RGL1: variants seen among roughly 807,000 people sequenced by gnomAD.
RGL1 encodes the protein ral guanine nucleotide dissociation stimulator-like 1.
A neutral mutation model predicts 95.2 loss-of-function variants in RGL1; 24 were observed. That is an observed-to-expected ratio of 0.25 (90% CI 0.18 to 0.35). The LOEUF is 0.35. Ranked by LOEUF, RGL1 falls within the 10% of genes least tolerant of loss-of-function variation. The pLI is 1.00. For synonymous variants in RGL1, 329 were observed against 344.9 expected, an observed-to-expected ratio of 0.95 and a Z score of 0.51; for missense variants, 715 against 936.3, an observed-to-expected ratio of 0.76 and a Z score of 3.08.
intron 4 of RGL1, among the ~76,000 whole-genome samples, chr1:183,877,295 GGTTAATATATAA>G (rs1401341117): frequency 6.6e-6 from 1 of 152,208 alleles, no homozygotes; most frequent in Non-Finnish European, 1.5e-5. Context: ...ACTCTGTTCT[GGTTAATATATAA>G]GTTAGATCTT....
intron 1 of RGL1, among the ~76,000 whole-genome samples, chr1:183,700,567 G>C (rs1180494004): frequency 2.1e-5 from 3 of 141,160 alleles, no homozygotes; most frequent in African/African-American, 7.7e-5. Flanking sequence ...TTTTTTTTTG[G>C]CAGAGTCTCA....
At chr1:183,767,881 A>T (rs959060850) in intron 2 of RGL1, among the ~76,000 whole-genome samples, 2 of 152,036 alleles carry the variant, frequency 1.3e-5, no homozygotes, top group Non-Finnish European at 2.9e-5. Context: ...TGAACCCAGG[A>T]GGCAGAAGTT....
chr1:183,748,040 ACTT>A (rs1381992441), intron 2 of RGL1, among the ~76,000 whole-genome samples: 4 of 152,058 alleles, frequency 2.6e-5, no homozygotes, highest in Non-Finnish European at 5.9e-5. Flanking sequence ...CAAGGAGTTG[ACTT>A]CTTCTGATTT....
At chr1:183,763,798 T>C (rs1658826587) in intron 2 of RGL1, among the ~76,000 whole-genome samples, 1 of 152,254 alleles carries the variant, frequency 6.6e-6, no homozygotes, top group South Asian at 2.1e-4. Context: ...TGTAGACTTT[T>C]ATTGTTATTG....
At chr1:183,822,742 A>G (rs1175439693) in intron 2 of RGL1, among the ~76,000 whole-genome samples, 3 of 152,216 alleles carry the variant, frequency 2.0e-5, no homozygotes, top group Non-Finnish European at 4.4e-5. Context: ...ACTATGTGCC[A>G]AATGTTGGCC....
chr1:183,779,495 C>T (rs1165262118), intron 2 of RGL1, among the ~76,000 whole-genome samples: 1 of 152,102 alleles, frequency 6.6e-6, no homozygotes, highest in East Asian at 1.9e-4. Flanking sequence ...GTGATCTACC[C>T]ACCTCAGCCT....
chr1:183,646,669 A>G (rs1650314847), intron 1 of RGL1: 1 of 152,236 alleles, frequency 6.6e-6, no homozygotes, highest in African/African-American at 2.4e-5. Flanking sequence ...AGGGAAGTAA[A>G]ACACACATTA....
intron 1 of RGL1, among the ~76,000 whole-genome samples, chr1:183,704,439 A>G (rs776457631): frequency 9.2e-5 from 14 of 152,090 alleles, no homozygotes; most frequent in Non-Finnish European, 1.5e-4. Context: ...GGTGGTTCTT[A>G]GAGGGAGCAT....
chr1:183,742,734 AAG>A (rs773534559), intron 2 of RGL1, among the ~76,000 whole-genome samples: 4 of 151,896 alleles, frequency 2.6e-5, no homozygotes, highest in Admixed American at 1.3e-4. Flanking sequence ...GAGAGAGAGA[AAG>A]AGAGAGAGGG....
At chr1:183,644,257 A>C (rs1024492094) in intron 1 of RGL1, among the ~76,000 whole-genome samples, 6 of 152,080 alleles carry the variant, frequency 3.9e-5, no homozygotes, top group Admixed American at 3.3e-4. Context: ...GCCTTTTTTT[A>C]CTACTTGGGC....
chr1:183,807,294 C>T (rs1661410514), intron 2 of RGL1, among the ~76,000 whole-genome samples: 1 of 151,906 alleles, frequency 6.6e-6, no homozygotes, highest in South Asian at 2.1e-4. Context: ...CGGTGAGAGG[C>T]GACCCAAAAA....
At chr1:183,878,691 G>A (rs538769269) in intron 4 of RGL1, among the ~76,000 whole-genome samples, 1 of 152,264 alleles carries the variant, frequency 6.6e-6, no homozygotes, top group Admixed American at 6.5e-5. Context: ...TAATAATTAA[G>A]GATCACAGGC....
chr1:183,670,020 G>T (rs1324866793), intron 1 of RGL1, among the ~76,000 whole-genome samples: 2 of 152,092 alleles, frequency 1.3e-5, no homozygotes, highest in South Asian at 2.1e-4. Context: ...GTGAGATTTG[G>T]GTGGGGACAC....
At chr1:183,815,128 G>A (rs1184687265) in intron 2 of RGL1, among the ~76,000 whole-genome samples, 1 of 152,176 alleles carries the variant, frequency 6.6e-6, no homozygotes, top group Non-Finnish European at 1.5e-5. Flanking sequence ...ACAAAAGTTA[G>A]CCAGGCATGG....
intron 2 of RGL1, among the ~76,000 whole-genome samples, chr1:183,792,264 G>A (rs181003592): frequency 1.3e-5 from 2 of 151,854 alleles, no homozygotes; most frequent in Non-Finnish European, 2.9e-5. Flanking sequence ...AATATCACTC[G>A]GATTCATTTC....
At chr1:183,878,144 TTTTC>T (rs56816532) in intron 4 of RGL1, among the ~76,000 whole-genome samples, 35,104 of 148,430 alleles carry the variant, frequency 0.24, 4,430 homozygotes, top group African/African-American at 0.32. Flanking sequence ...CCCATGTTGA[TTTTC>T]TTTCTATCTA....
intron 2 of RGL1, among the ~76,000 whole-genome samples, chr1:183,809,382 C>A (rs1661547209): frequency 6.6e-6 from 1 of 152,112 alleles, no homozygotes; most frequent in African/African-American, 2.4e-5. Flanking sequence ...TTCAGTTGAT[C>A]TTTTAAAGTA....
intron 2 of RGL1, among the ~76,000 whole-genome samples, chr1:183,745,676 G>A (rs527297348): frequency 2.6e-5 from 4 of 152,118 alleles, no homozygotes; most frequent in South Asian, 2.1e-4. Context: ...AAAGCCCCGA[G>A]TATCCAGTAG....
At position 183,916,484 on chromosome 1, in the gene RGL1, C is replaced by A. The variant is rs545950953; in HGVS notation, c.1787C>A (p.Ser596Tyr). The A allele has an allele frequency of 1.2e-6, 2 of 1,614,040 alleles. No homozygotes were observed. The highest frequency in any genetic ancestry group is 2.2e-5 in the East Asian group (1 of 44,876). The part of the protein sequence containing the change: ...ESSSSCSSIH[S>Y]MDTNSSGMSS... ...TCCTCATCCTGTTCTTCTATCCATT[C>A]CATGGACACAAATTCCTCAGGGATG... is the stretch of plus-strand genomic sequence containing the variant. The change falls in exon 16 of 18, where the codon TCC becomes TAC. Residue 596 changes from serine to tyrosine, a missense_variant. Coordinates refer to ENST00000360851, the MANE Select transcript of RGL1 (RefSeq NM_001297671.3).
Sources: allele counts gnomAD v4.1 joint callset (sites outside exome capture counted in the v4.1 genomes callset), GRCh38; gene constraint gnomAD v4.1.1; transcripts MANE v1.5; gene names NCBI Gene and HGNC (gene_info 2026-07-23, HGNC 2026-07-21).